Variants in AIFM1 observed in about 807,000 individuals in gnomAD.
The protein encoded by AIFM1 is apoptosis-inducing factor 1, mitochondrial.
AIFM1 carries 3 observed loss-of-function variants against 51.7 expected under a neutral mutation model. That is an observed-to-expected ratio of 0.06 (90% CI 0.03 to 0.15). The LOEUF (loss-of-function observed/expected upper bound fraction) is 0.15. AIFM1 is among the 10% of genes least tolerant of loss of function. The pLI is 1.00. For missense variants in AIFM1, 330 were observed against 476.8 expected (o/e 0.69, Z 2.87); for synonymous variants, 178 against 179.4 (o/e 0.99, Z 0.06).
chrX:130,157,910 G>A (rs1371095241), intron 1 of AIFM1, among the ~76,000 whole-genome samples: 14 of 98,067 alleles, frequency 1.4e-4, no homozygotes, highest in Admixed American at 1.3e-3. Flanking sequence ...AGCCGAGATC[G>A]CACCACTGCA....
At chrX:130,155,778 G>C (rs768546302) in intron 2 of AIFM1, among the ~76,000 whole-genome samples, 114 of 111,887 alleles carry the variant, frequency 1.0e-3, no homozygotes, top group African/African-American at 3.4e-3. Flanking sequence ...GATCGGCTTA[G>C]TCACAGTAAA....
At chrX:130,131,067 G>A (rs1425079163) in intron 14 of AIFM1, among the ~76,000 whole-genome samples, 1 of 112,281 alleles carries the variant, frequency 8.9e-6, no homozygotes, top group Admixed American at 9.4e-5. Context: ...AATAACTTGA[G>A]CTAAGGTCAA....
chrX:130,131,000 CCTT>C (rs1465391666), intron 14 of AIFM1, among the ~76,000 whole-genome samples: 13 of 112,539 alleles, frequency 1.2e-4, no homozygotes, highest in African/African-American at 4.2e-4. Context: ...CTTGCTTTCT[CCTT>C]CTTAAACAGC....
At chrX:130,138,896 A>G (rs1241546079) in intron 8 of AIFM1, among the ~76,000 whole-genome samples, 195 bp from the exon 9 acceptor site, 2 of 112,023 alleles carry the variant, frequency 1.8e-5, no homozygotes, top group Non-Finnish European at 3.8e-5. Context: ...AGTGGTTCTC[A>G]ATTGGTGGCA....
At chrX:130,131,020 C>T (rs2030051984) in intron 14 of AIFM1, among the ~76,000 whole-genome samples, 1 of 112,421 alleles carries the variant, frequency 8.9e-6, no homozygotes. Flanking sequence ...CAGCACCTTG[C>T]CCTTGAGACA....
intron 6 of AIFM1, 122 bp downstream of exon 6, chrX:130,145,357 G>C (rs748858815): frequency 6.9e-6 from 4 of 580,703 alleles, no homozygotes; most frequent in Non-Finnish European, 1.2e-5. Context: ...AAAGCAGCTC[G>C]ATCCTTCTTT....
chrX:130,154,431 T>C (rs1039091234), intron 2 of AIFM1, among the ~76,000 whole-genome samples: 6 of 112,222 alleles, frequency 5.3e-5, no homozygotes, highest in African/African-American at 1.6e-4. Context: ...GTGGAACTGA[T>C]GGGAAAAGTT....
chrX:130,160,842 A>G (rs1482171552), intron 1 of AIFM1, among the ~76,000 whole-genome samples: 2 of 110,060 alleles, frequency 1.8e-5, no homozygotes, highest in Non-Finnish European at 3.8e-5. Context: ...CACGAGTTTG[A>G]GACCAGCCTG....
At chrX:130,149,063 A>C (rs2030866747) in intron 3 of AIFM1, among the ~76,000 whole-genome samples, 1 of 106,539 alleles carries the variant, frequency 9.4e-6, no homozygotes, top group Non-Finnish European at 1.9e-5. Flanking sequence ...CAGGGATTAC[A>C]GGCGTGCACC....
At chrX:130,136,948 G>A (rs1315388877) in intron 10 of AIFM1, 130 bp downstream of exon 10, 37 of 1,157,054 alleles carry the variant, frequency 3.2e-5, no homozygotes, top group African/African-American at 1.1e-4. Context: ...TAGCTGACTG[G>A]AGAATGGTGG....
intron 1 of AIFM1, among the ~76,000 whole-genome samples, chrX:130,159,613 TTTTG>T (rs2031282942): frequency 9.0e-6 from 1 of 111,001 alleles, no homozygotes; most frequent in Admixed American, 9.6e-5. Context: ...TTTTTTTTGT[TTTTG>T]TTTTTCTTTT....
chrX:130,141,243 T>C lies in AIFM1; in HGVS notation c.697-626A>G, dbSNP rs2301401. On this transcript the variant is annotated intron_variant, in intron 6 of 15. Coordinates refer to ENST00000287295, the MANE Select transcript of AIFM1 (RefSeq NM_004208.4). Reference sequence around the variant, plus strand: ...ACCTAAAGCGATCCTTAAGAAACCATATCCAAGTAATCATGGGAACCACAG... The same window carrying C: ...ACCTAAAGCGATCCTTAAGAAACCACATCCAAGTAATCATGGGAACCACAG... Among the ~76,000 whole-genome samples, 269 of 111,992 alleles carry C rather than the reference T, an allele frequency of 2.4e-3. 1 individual carries two copies. Among genetic ancestry groups the C allele is most frequent in the Admixed American group, 2.0e-3 (21 of 10,527 alleles).
chrX:130,163,205 G>A (rs773991957), intron 1 of AIFM1, among the ~76,000 whole-genome samples: 1 of 109,316 alleles, frequency 9.1e-6, no homozygotes, highest in South Asian at 4.0e-4. Context: ...AGCTACTTGG[G>A]AGGCTGACGC....
At chrX:130,147,465 T>C (rs374178788) in intron 5 of AIFM1, 28 bp downstream of exon 5, 18 of 1,209,453 alleles carry the variant, frequency 1.5e-5, no homozygotes, top group African/African-American at 3.5e-5. Flanking sequence ...CTGAAGTTGA[T>C]AGGCTCATTT....
Position 130,165,789 on chromosome X carries a change from C to G in AIFM1, c.-133G>C. On this transcript the variant is annotated 5_prime_UTR_variant, in exon 1 of 16. Coordinates refer to ENST00000287295, the MANE Select transcript of AIFM1 (RefSeq NM_004208.4). ...ATTACGCAGACTCCTCCTCCCAGCT[C>G]CGGGTGGGCATTGGACAGAGAAGCC... 1 of 588,061 alleles carries G rather than the reference C, an allele frequency of 1.7e-6. No homozygotes were observed. The highest frequency in any genetic ancestry group is 2.9e-6 in the Non-Finnish European group (1 of 346,262). The allele number at this position is 588,061 out of a possible 1,213,427, so 48.5% of individuals were successfully genotyped here.
At chrX:130,156,858 C>G (rs1057206758) in intron 1 of AIFM1, among the ~76,000 whole-genome samples, 1 of 111,729 alleles carries the variant, frequency 9.0e-6, no homozygotes, top group Non-Finnish European at 1.9e-5. Flanking sequence ...CAGAAAAGAT[C>G]ATGAAAAACA....
intron 5 of AIFM1, 40 bp downstream of exon 5, chrX:130,147,453 A>G: frequency 8.3e-7 from 1 of 1,209,784 alleles, no homozygotes; most frequent in Non-Finnish European, 1.1e-6. Context: ...CTCTGTGCTT[A>G]GCTGAAGTTG....
At chrX:130,131,346 A>G (rs1482273008) in intron 14 of AIFM1, among the ~76,000 whole-genome samples, 1 of 112,373 alleles carries the variant, frequency 8.9e-6, no homozygotes, top group East Asian at 2.8e-4. Context: ...TAAAAACGCA[A>G]TCTAAAAAGT....
intron 6 of AIFM1, among the ~76,000 whole-genome samples, chrX:130,143,357 C>G (rs1001683287): frequency 1.8e-5 from 2 of 112,183 alleles, no homozygotes; most frequent in Non-Finnish European, 3.8e-5. Flanking sequence ...CCCCCTTAAA[C>G]TAGCTCTTCC....
Sources: allele counts gnomAD v4.1 joint callset (sites outside exome capture counted in the v4.1 genomes callset), GRCh38; gene constraint gnomAD v4.1.1; transcripts MANE v1.5; gene names NCBI Gene and HGNC (gene_info 2026-07-23, HGNC 2026-07-21).